DST: variants seen among roughly 807,000 people sequenced by gnomAD.
The protein encoded by DST is dystonin.
DST carries 253 observed loss-of-function variants against 875.2 expected under a neutral mutation model. That is an observed-to-expected ratio of 0.29 (90% CI 0.26 to 0.32). DST has a LOEUF of 0.32. DST is among the 10% of genes least tolerant of loss of function. DST has a pLI of 1.00. For synonymous variants in DST, 3,124 were observed against 3,197.1 expected (o/e 0.98, Z 0.77); for missense variants, 8,287 against 9,111.6 (o/e 0.91, Z 3.68).
At chr6:56,892,158 A>T (rs539553397) in intron 3 of DST, among the ~76,000 whole-genome samples, 1 of 152,292 alleles carries the variant, frequency 6.6e-6, no homozygotes, top group South Asian at 2.1e-4. Context: ...CAGAAAAGAA[A>T]GCTTAAACCA....
chr6:56,551,839 C>T (rs1379872911), intron 61 of DST, among the ~76,000 whole-genome samples: 1 of 152,154 alleles, frequency 6.6e-6, no homozygotes, highest in African/African-American at 2.4e-5. Flanking sequence ...GGAAGATAAA[C>T]ATCTGCAATA....
At chr6:56,947,553 C>A (rs1055120586) in intron 2 of DST, among the ~76,000 whole-genome samples, 1 of 152,148 alleles carries the variant, frequency 6.6e-6, no homozygotes, top group East Asian at 1.9e-4. Context: ...CAGCCTGCTT[C>A]TCTTAAGAGG....
chr6:56,660,157 T>G (rs968986254), intron 10 of DST, among the ~76,000 whole-genome samples: 1 of 152,210 alleles, frequency 6.6e-6, no homozygotes, highest in Non-Finnish European at 1.5e-5. Flanking sequence ...AGGCTGGTGA[T>G]AATGAAGTTC....
At position 56,509,670 on chromosome 6, in the gene DST, C is replaced by T. The variant is rs1301168720; in HGVS notation, c.18984G>A (p.Gly6328=). Residue 6328 remains glycine, a synonymous_variant, in exon 74 of 104, where the codon GGG becomes GGA. Coordinates refer to ENST00000680361, the MANE Select transcript of DST (RefSeq NM_001374736.1). ...QRGEEMIARS[G]GTDKDISAKA... is the part of the protein sequence containing the mutation. Reference sequence around the variant, plus strand: ...TGGCAGATATGTCTTTATCAGTCCCCCCAGATCTAGCAATCATTTCCTCTC... The same window carrying T: ...TGGCAGATATGTCTTTATCAGTCCCTCCAGATCTAGCAATCATTTCCTCTC... The T allele has an allele frequency of 4.3e-6, 7 of 1,613,508 alleles. No homozygotes were observed. The highest frequency in any genetic ancestry group is 5.9e-6 in the Non-Finnish European group (7 of 1,179,608).
intron 4 of DST, among the ~76,000 whole-genome samples, chr6:56,794,360 C>G (rs533683766): frequency 6.6e-6 from 1 of 152,034 alleles, no homozygotes; most frequent in African/African-American, 2.4e-5. Context: ...AAACACATTA[C>G]GTTGACAGTA....
At chr6:56,672,920 G>T (rs760614590) in intron 9 of DST, among the ~76,000 whole-genome samples, 1 of 152,022 alleles carries the variant, frequency 6.6e-6, no homozygotes, top group Middle Eastern at 3.2e-3. Context: ...GAAAATCTAC[G>T]ATCGCAACGG....
chr6:56,635,848 T>C (rs1001089398), intron 23 of DST, 134 bp from the exon 24 acceptor site: 9 of 890,904 alleles, frequency 1.0e-5, no homozygotes, highest in African/African-American at 9.9e-5. Flanking sequence ...GATAGCTTAA[T>C]AGTCACATCT....
intron 5 of DST, among the ~76,000 whole-genome samples, chr6:56,720,883 G>T (rs2099412178): frequency 1.3e-5 from 2 of 151,810 alleles, no homozygotes; most frequent in Non-Finnish European, 1.5e-5. Flanking sequence ...CTCCCAGACA[G>T]GGTGGCGGCC....
At chr6:56,642,930 C>A in intron 15 of DST, 1 of 1,500,628 alleles carries the variant, frequency 6.7e-7, no homozygotes, top group Non-Finnish European at 8.9e-7. Flanking sequence ...TATGCTTCAA[C>A]ATGCATATGC....
At position 56,782,084 on chromosome 6, in the gene DST, T is replaced by G. The variant is rs140925608; in HGVS notation, c.626-46795A>C. Among the ~76,000 whole-genome samples the G allele has an allele frequency of 2.5e-3, 376 of 152,230 alleles. 14 individuals carry two copies. The East Asian group carries it at 0.067, about 27-fold the overall frequency. ...CCCAGGGATGAAACCCACTTGATCA[T>G]GGTGGATAAGCTTTTCGATGTGCTG... is the stretch of plus-strand genomic sequence containing the variant. On this transcript the variant is annotated intron_variant, in intron 4 of 103. Coordinates refer to ENST00000680361, the MANE Select transcript of DST (RefSeq NM_001374736.1).
In DST at chr6:56,703,769, G is replaced by A. The variant is rs1260028606; in HGVS notation, c.778-23C>T. On this transcript the variant is annotated intron_variant, in intron 6 of 103. Transcript: ENST00000680361. Reference sequence around the variant, plus strand: ...TGGCTAATGAATATAACAGACAGAAGATAGGACAGCAAAGACACAAGACAG... The same window carrying A: ...TGGCTAATGAATATAACAGACAGAAAATAGGACAGCAAAGACACAAGACAG... 7.8e-6 allele frequency: 7 copies of A among 901,890 alleles called. No homozygotes were observed. The South Asian group carries it at 2.5e-4, about 33-fold the overall frequency. The allele number at this position is 901,890 out of a possible 1,614,324, so 55.9% of individuals were successfully genotyped here. A position where few individuals can be genotyped will look rare whatever the true frequency, so the allele number is the denominator to read the frequency against.
At chr6:56,635,778 C>T in intron 23 of DST, 64 bp from the exon 24 acceptor site, 1 of 1,561,906 alleles carries the variant, frequency 6.4e-7, no homozygotes, top group East Asian at 2.2e-5. Context: ...ACAGTTGTCA[C>T]ACTCCAATAC....
chr6:56,905,247 T>C (rs2127702205), intron 2 of DST, among the ~76,000 whole-genome samples: 1 of 152,292 alleles, frequency 6.6e-6, no homozygotes, highest in Middle Eastern at 3.4e-3. Context: ...GTGTGGTGTG[T>C]ATGTGCATGT....
intron 4 of DST, among the ~76,000 whole-genome samples, chr6:56,839,327 A>G (rs2099797259): frequency 6.6e-6 from 1 of 152,266 alleles, no homozygotes; most frequent in Non-Finnish European, 1.5e-5. Context: ...TATTTGGCTA[A>G]GCAGTATCAT....
rs912492990 is a variant in DST at position 56,474,091 on chromosome 6, C to T, written c.21865-89G>A. ...AACTAAAAGCAGAAGGATAAAAGAA[C>T]CATGTTATTATTTCTGAAGAAGAAT... On this transcript the variant is annotated intron_variant, in intron 92 of 103. Transcript: ENST00000680361. The T allele has an allele frequency of 1.6e-5, 18 of 1,127,314 alleles. No homozygotes were observed. The African/African-American group carries it at 2.9e-4, about 18-fold the overall frequency. 69.8% of individuals were successfully genotyped at this position (1,127,314 alleles called of 1,614,324 possible). A position where few individuals can be genotyped will look rare whatever the true frequency, so the allele number is the denominator to read the frequency against.
At chr6:56,833,334 A>G (rs761273545) in intron 4 of DST, among the ~76,000 whole-genome samples, 1 of 152,268 alleles carries the variant, frequency 6.6e-6, no homozygotes, top group Non-Finnish European at 1.5e-5. Context: ...TGGATACTGT[A>G]TACATATAGC....
chr6:56,584,655 C>T (rs2098107398), intron 49 of DST, among the ~76,000 whole-genome samples: 1 of 151,884 alleles, frequency 6.6e-6, no homozygotes, highest in African/African-American at 2.4e-5. Context: ...TGAGAGAGGG[C>T]ATCCCTGTCT....
chr6:56,498,111 T>C (rs1433161162), intron 80 of DST, 58 bp from the exon 81 acceptor site: 9 of 1,468,066 alleles, frequency 6.1e-6, no homozygotes, highest in Non-Finnish European at 8.4e-6. Flanking sequence ...ATATCATCTT[T>C]AATGCAATTG....
In DST at chr6:56,604,808, T is replaced by C. The variant is rs770159463; in HGVS notation, c.9820A>G (p.Ile3274Val). 2 of 1,612,958 alleles carry C rather than the reference T, an allele frequency of 1.2e-6. No individual in the cohort carries two copies. The highest frequency in any genetic ancestry group is 1.7e-6 in the Non-Finnish European group (2 of 1,179,308). Residue 3274 changes from isoleucine to valine, a missense_variant, in exon 40 of 104, where the codon ATA becomes GTA. By Grantham distance (29) the Ile-to-Val change is conservative (BLOSUM62 3). Coordinates refer to ENST00000680361, the MANE Select transcript of DST (RefSeq NM_001374736.1). ...TCTTCTACATGTTTACGAGATAATA[T>C]TGAAAGTGTGGCTTCAATACTTTCT... The part of the protein sequence containing the change: ...TPESIEATLS[I>V]LSRKHVEDVG...
Sources: allele counts gnomAD v4.1 joint callset (sites outside exome capture counted in the v4.1 genomes callset), GRCh38; gene constraint gnomAD v4.1.1; transcripts MANE v1.5; gene names NCBI Gene and HGNC (gene_info 2026-07-23, HGNC 2026-07-21).